Variants in DOCK8 observed in about 807,000 individuals in gnomAD.
DOCK8 encodes the protein dedicator of cytokinesis protein 8.
Under a neutral mutation model 245.6 loss-of-function variants are expected in DOCK8, and 141 were observed. That is an observed-to-expected ratio of 0.57 (90% CI 0.50 to 0.66). The LOEUF is 0.66. DOCK8 is among the 30% of genes least tolerant of loss of function. The pLI is 0.00. For missense variants in DOCK8, 2,965 were observed against 2,603.4 expected, an observed-to-expected ratio of 1.14 and a Z score of -3.02; for synonymous variants, 1,168 against 970.2, an observed-to-expected ratio of 1.20 and a Z score of -3.79.
chr9:402,718 C>G (rs1259800121), intron 26 of DOCK8, among the ~76,000 whole-genome samples: 1 of 152,192 alleles, frequency 6.6e-6, no homozygotes, highest in Non-Finnish European at 1.5e-5. Flanking sequence ...TTAATAGTCA[C>G]TAAAAATAGA....
At chr9:223,992 AGCTT>A (rs2046937593) in intron 1 of DOCK8, among the ~76,000 whole-genome samples, 1 of 152,164 alleles carries the variant, frequency 6.6e-6, no homozygotes, top group South Asian at 2.1e-4. Flanking sequence ...AAATAATATC[AGCTT>A]GAGTTAAAGA....
chr9:424,002 G>A (rs538923356), intron 33 of DOCK8, among the ~76,000 whole-genome samples: 10 of 151,776 alleles, frequency 6.6e-5, no homozygotes, highest in East Asian at 3.9e-4. Flanking sequence ...TGCGCTACCT[G>A]GTGGGCTGCT....
chr9:343,723 A>G (rs2051724308), intron 14 of DOCK8, among the ~76,000 whole-genome samples: 1 of 152,282 alleles, frequency 6.6e-6, no homozygotes, highest in South Asian at 2.1e-4. Flanking sequence ...TCGATTCTCT[A>G]TTCCTTAGAG....
intron 1 of DOCK8, among the ~76,000 whole-genome samples, chr9:270,781 G>A (rs1158535607): frequency 1.3e-5 from 2 of 152,182 alleles, no homozygotes; most frequent in East Asian, 1.9e-4. Flanking sequence ...ATATTCAGTA[G>A]TGGTATTGGT....
chr9:331,194 A>AT (rs1448229406), intron 9 of DOCK8, among the ~76,000 whole-genome samples: 2 of 152,190 alleles, frequency 1.3e-5, no homozygotes, highest in Non-Finnish European at 2.9e-5. Context: ...AGCTGCTACC[A>AT]TATAGAAGGT....
chr9:374,263 C>T (rs1180527694), intron 18 of DOCK8, among the ~76,000 whole-genome samples: 1 of 151,970 alleles, frequency 6.6e-6, no homozygotes, highest in Non-Finnish European at 1.5e-5. Flanking sequence ...CTGTATGTGG[C>T]TATTGAGGAA....
intron 10 of DOCK8, among the ~76,000 whole-genome samples, chr9:333,333 G>A (rs187370724): frequency 1.3e-5 from 2 of 152,238 alleles, no homozygotes; most frequent in African/African-American, 4.8e-5. Context: ...CGGGCGTGGT[G>A]GCTCACACCT....
chr9:415,055 T>A, intron 29 of DOCK8, 104 bp downstream of exon 29: 2 of 1,494,528 alleles, frequency 1.3e-6, no homozygotes, highest in South Asian at 2.3e-5. Flanking sequence ...TATGTTCATA[T>A]GAGCAATTCT....
At chr9:389,465 C>A (rs950817578) in intron 23 of DOCK8, among the ~76,000 whole-genome samples, 1 of 152,084 alleles carries the variant, frequency 6.6e-6, no homozygotes, top group Admixed American at 6.6e-5. Flanking sequence ...AGCCCAAGAT[C>A]CTCTCATAAA....
At chr9:340,062 C>A (rs573801435) in intron 13 of DOCK8, 97 bp from the exon 14 acceptor site, 503 of 1,432,338 alleles carry the variant, frequency 3.5e-4, no homozygotes, top group Non-Finnish European at 4.6e-4. Flanking sequence ...ATAGTTTGTT[C>A]TTATTTTCAT....
At chr9:440,909 T>C (rs2057075695) in intron 40 of DOCK8, among the ~76,000 whole-genome samples, 2 of 152,068 alleles carry the variant, frequency 1.3e-5, no homozygotes, top group African/African-American at 4.8e-5. Flanking sequence ...GATTTTTTAA[T>C]TTTTTTGCAG....
At chr9:388,249 C>A (rs192668422) in intron 23 of DOCK8, among the ~76,000 whole-genome samples, 6 of 152,158 alleles carry the variant, frequency 3.9e-5, no homozygotes, top group African/African-American at 1.4e-4. Context: ...AACCCCACGC[C>A]TCTCTCAAGT....
chr9:312,264 G>T, intron 6 of DOCK8, 98 bp downstream of exon 6: 1 of 1,385,662 alleles, frequency 7.2e-7, no homozygotes, highest in Non-Finnish European at 1.0e-6. Context: ...GCAGCCCATG[G>T]TGTCAGGGCT....
chr9:223,486 T>G (rs565275017), intron 1 of DOCK8, among the ~76,000 whole-genome samples: 1 of 152,100 alleles, frequency 6.6e-6, no homozygotes, highest in Non-Finnish European at 1.5e-5. Context: ...CCTCCGTGAC[T>G]TCAAAGTATT....
chr9:350,633 T>C (rs371089365), intron 14 of DOCK8, among the ~76,000 whole-genome samples: 46 of 152,222 alleles, frequency 3.0e-4, no homozygotes. Context: ...AATTGATTGA[T>C]GGCTGCTTCC....
intron 1 of DOCK8, among the ~76,000 whole-genome samples, chr9:226,601 A>G (rs764894643): frequency 6.6e-6 from 1 of 152,082 alleles, no homozygotes; most frequent in Admixed American, 6.6e-5. Context: ...GACGAATTAG[A>G]TATGGGGTGG....
intron 15 of DOCK8, chr9:369,824 G>C (rs1264095219): frequency 4.4e-6 from 1 of 228,634 alleles, no homozygotes; most frequent in Non-Finnish European, 8.7e-6. Flanking sequence ...TTCTTTTTGA[G>C]ACAGGATCTC....
intron 22 of DOCK8, among the ~76,000 whole-genome samples, chr9:384,967 CT>C (rs1165451557): frequency 1.3e-5 from 2 of 152,044 alleles, no homozygotes; most frequent in African/African-American, 2.4e-5. Flanking sequence ...GATTCACCCC[CT>C]GAGATGCTGA....
intron 2 of DOCK8, among the ~76,000 whole-genome samples, chr9:286,053 G>C (rs1419522711): frequency 6.6e-6 from 1 of 152,180 alleles, no homozygotes; most frequent in Non-Finnish European, 1.5e-5. Context: ...GAGTTTGCCT[G>C]GATTTCTGGA....
Sources: gnomAD v4.1 joint callset for allele counts (sites outside exome capture counted in the v4.1 genomes callset) on GRCh38, gnomAD v4.1.1 for gene constraint, MANE v1.5 for transcripts, NCBI Gene and HGNC (gene_info 2026-07-23, HGNC 2026-07-21) for gene names.